Variants in COL6A6 observed in about 807,000 individuals in gnomAD.
The protein encoded by COL6A6 is collagen type VI alpha 6 chain, also known as collagen alpha-6(VI) chain.
Under a neutral mutation model 208.6 loss-of-function variants are expected in COL6A6, and 183 were observed. The ratio of observed to expected loss-of-function variants is 0.88; its 90% CI spans 0.78 to 0.99. COL6A6 has a LOEUF of 0.99. Ranked by LOEUF, COL6A6 falls within the 50% of genes least tolerant of loss-of-function variation. COL6A6 has a pLI of 0.00. For synonymous variants in COL6A6, 973 were observed against 1,011.8 expected (o/e 0.96, Z 0.73); for missense variants, 2,816 against 2,815.2 (o/e 1.00, Z -0.01).
chr3:130,620,881 G>T (rs2064695150), intron 23 of COL6A6, among the ~76,000 whole-genome samples: 2 of 152,148 alleles, frequency 1.3e-5, no homozygotes, highest in South Asian at 4.1e-4. Flanking sequence ...AGCTCACTGG[G>T]GTTGGGATTA....
intron 1 of COL6A6, among the ~76,000 whole-genome samples, chr3:130,521,783 A>G (rs1178865636): frequency 6.6e-6 from 1 of 152,212 alleles, no homozygotes; most frequent in Non-Finnish European, 1.5e-5. Flanking sequence ...CCAATAATAT[A>G]TGAAAGTTGG....
intron 20 of COL6A6, 147 bp downstream of exon 20, chr3:130,599,957 C>G: frequency 1.4e-6 from 1 of 730,666 alleles, no homozygotes; most frequent in Non-Finnish European, 2.4e-6. Context: ...CAGACCAGGG[C>G]TGGCAAAGGA....
At chr3:130,576,986 G>A (rs145180024) in intron 8 of COL6A6, among the ~76,000 whole-genome samples, 377 of 152,316 alleles carry the variant, frequency 2.5e-3, no homozygotes, top group African/African-American at 8.6e-3. Flanking sequence ...TTTCTGGTTT[G>A]TAAATCTAAA....
chr3:130,535,849 C>A (rs1420612710), intron 1 of COL6A6, among the ~76,000 whole-genome samples: 1 of 152,144 alleles, frequency 6.6e-6, no homozygotes, highest in Admixed American at 6.5e-5. Flanking sequence ...TTTGATTAGT[C>A]TTGTGACTGT....
chr3:130,655,833 A>C (rs1576408834), intron 33 of COL6A6, among the ~76,000 whole-genome samples: 1 of 152,066 alleles, frequency 6.6e-6, no homozygotes, highest in Admixed American at 6.5e-5. Context: ...GGCTTGTTCC[A>C]CCCATTCAGC....
At chr3:130,612,869 TG>T (rs934323635) in intron 23 of COL6A6, among the ~76,000 whole-genome samples, 6 of 152,164 alleles carry the variant, frequency 3.9e-5, no homozygotes, top group African/African-American at 1.4e-4. Context: ...CATTTTAATG[TG>T]GTTGTTTTTG....
chr3:130,621,836 G>T lies in COL6A6; in HGVS notation c.4831G>T (p.Gly1611Ter). The T allele has an allele frequency of 1.9e-6, 3 of 1,613,826 alleles. No homozygotes were observed. Among genetic ancestry groups the T allele is most frequent in the Non-Finnish European group, 2.5e-6 (3 of 1,179,792 alleles). Residue 1611 changes from glycine (G) to a stop codon, truncating the protein, a stop_gained, in exon 24 of 37, where the codon GGA (glycine) becomes TGA (stop). Transcript: ENST00000358511. LOFTEE classifies it high-confidence loss of function. ...SKGPQGPPGP[G>*]GEAGNQGRLG... ...TTTGTTTCAGGGGCCTCCAGGACCC[G>T]GAGGAGAGGCAGGGAATCAAGGCCG...
intron 5 of COL6A6, 23 bp downstream of exon 5, chr3:130,567,285 C>T (rs561986913): frequency 6.4e-7 from 1 of 1,553,854 alleles, no homozygotes; most frequent in South Asian, 1.2e-5. Flanking sequence ...GTGGCTTTAC[C>T]TACTGACCTT....
At chr3:130,664,918 TA>T (rs768728159) in intron 35 of COL6A6, 84 bp from the exon 36 acceptor site, 5 of 854,338 alleles carry the variant, frequency 5.9e-6, no homozygotes, top group African/African-American at 3.5e-5. Context: ...TTTAAAACAG[TA>T]AAGTGGCACT....
intron 1 of COL6A6, among the ~76,000 whole-genome samples, chr3:130,520,176 G>A (rs1710981629): frequency 6.6e-6 from 1 of 152,224 alleles, no homozygotes; most frequent in Admixed American, 6.5e-5. Context: ...AGTGCACTCA[G>A]TGTTTTAATT....
At chr3:130,529,431 A>G (rs1180784319) in intron 1 of COL6A6, among the ~76,000 whole-genome samples, 1 of 152,140 alleles carries the variant, frequency 6.6e-6, no homozygotes, top group African/African-American at 2.4e-5. Flanking sequence ...TATACAGATG[A>G]GGAAAATGGA....
Position 130,568,208 on chromosome 3 carries a change from A to T in COL6A6, c.2005A>T (p.Ile669Phe). Residue 669 changes from isoleucine to phenylalanine, a missense_variant, in exon 6 of 37, where the codon ATC (isoleucine) becomes TTC (phenylalanine). By Grantham distance (21) the Ile-to-Phe change is conservative. Coordinates refer to ENST00000358511, the MANE Select transcript of COL6A6 (RefSeq NM_001102608.3). ...VQIGVVQFSD[I>F]NKEEFQLNRF... ...AATTGGTGTAGTCCAGTTCAGCGAC[A>T]TCAATAAGGAAGAGTTTCAGCTCAA... 6.2e-7 allele frequency: 1 copy of T among 1,614,008 alleles called. No homozygotes were observed. The highest frequency in any genetic ancestry group is 1.1e-5 in the South Asian group (1 of 91,080).
At chr3:130,535,939 C>G (rs1476685863) in intron 1 of COL6A6, among the ~76,000 whole-genome samples, 2 of 152,222 alleles carry the variant, frequency 1.3e-5, no homozygotes, top group East Asian at 1.9e-4. Flanking sequence ...TTCTGAGCCT[C>G]AACTCCTCAT....
intron 23 of COL6A6, among the ~76,000 whole-genome samples, chr3:130,617,932 T>A (rs13322828): frequency 0.36 from 54,471 of 152,030 alleles, 13,443 homozygotes; most frequent in African/African-American, 0.68. Flanking sequence ...AATTTTCAAA[T>A]AATCGTTAAC....
intron 13 of COL6A6, among the ~76,000 whole-genome samples, chr3:130,591,384 A>G (rs2063712918): frequency 6.6e-6 from 1 of 152,148 alleles, no homozygotes; most frequent in African/African-American, 2.4e-5. Context: ...ATTCTGGAGC[A>G]TTCTGTAAAG....
chr3:130,572,770 T>C (rs951224052), intron 7 of COL6A6, among the ~76,000 whole-genome samples: 1 of 152,220 alleles, frequency 6.6e-6, no homozygotes, highest in Non-Finnish European at 1.5e-5. Context: ...AAGGATCGAT[T>C]TACCATATTT....
chr3:130,546,101 CA>C (rs1000134638), intron 1 of COL6A6, among the ~76,000 whole-genome samples: 6 of 152,008 alleles, frequency 3.9e-5, no homozygotes, highest in African/African-American at 1.5e-4. Flanking sequence ...ATGTTGTGTC[CA>C]AAATTCATGG....
At chr3:130,598,555 A>G in intron 19 of COL6A6, 125 bp downstream of exon 19, 1 of 669,812 alleles carries the variant, frequency 1.5e-6, no homozygotes, top group Non-Finnish European at 2.6e-6. Context: ...CAGAAAAACC[A>G]TTATTAGGAG....
Position 130,591,035 on chromosome 3 carries a change from T to C in COL6A6, c.4219-6T>C, listed in dbSNP as rs114465527. On this transcript the variant is annotated splice_region_variant and splice_polypyrimidine_tract_variant and intron_variant, in intron 12 of 36. Coordinates refer to ENST00000358511, the MANE Select transcript of COL6A6 (RefSeq NM_001102608.3). ...GCAAATGTTTTCTTCCTTTTCTTAT[T>C]TCCAGGGACCTCCAGGTTTTAAAGG... 1.8e-4 allele frequency: 278 copies of C among 1,570,660 alleles called. No homozygotes were observed. The African/African-American group carries it at 3.6e-3, about 20-fold the overall frequency.
Sources: allele counts gnomAD v4.1 joint callset (sites outside exome capture counted in the v4.1 genomes callset), GRCh38; gene constraint gnomAD v4.1.1; transcripts MANE v1.5; gene names NCBI Gene and HGNC (gene_info 2026-07-23, HGNC 2026-07-21).